The following MTRR variants were observed in gnomAD, a reference collection of about 807,000 sequenced individuals.
MTRR encodes methionine synthase reductase.
MTRR carries 63 observed loss-of-function variants against 79.2 expected under a neutral mutation model. That is an observed-to-expected ratio of 0.80 (90% confidence interval 0.65 to 0.98). MTRR has a LOEUF of 0.98. Among genes scored for constraint, MTRR ranks in the 50% least tolerant of loss-of-function variants. The probability of loss-of-function intolerance (pLI) is 0.00; values close to 1 mark genes in which losing one functional copy is unlikely to be tolerated. For synonymous variants in MTRR, 355 were observed against 313.3 expected (o/e 1.13, Z -1.41); for missense variants, 895 against 839.6 (o/e 1.07, Z -0.82).
intron 9 of MTRR, 108 bp from the exon 10 acceptor site, chr5:7,891,262 ATT>A (rs1737497989): frequency 2.5e-6 from 1 of 393,714 alleles, no homozygotes; most frequent in Non-Finnish European, 4.6e-6. Context: ...CTAGAACATG[ATT>A]TGAGTATTCT....
intron 12 of MTRR, 60 bp downstream of exon 12, chr5:7,895,912 T>C (rs1461192177): frequency 1.2e-6 from 2 of 1,606,152 alleles, no homozygotes; most frequent in African/African-American, 2.7e-5. Flanking sequence ...TTTGTTTCTT[T>C]AGTCATTTTG....
At chr5:7,891,156 A>C (rs996604351) in intron 9 of MTRR, among the ~76,000 whole-genome samples, 1 of 152,172 alleles carries the variant, frequency 6.6e-6, no homozygotes, top group Non-Finnish European at 1.5e-5. Flanking sequence ...GAGTAAGAAA[A>C]TGCATCTTAT....
At chr5:7,872,203 A>G (rs919872820) in intron 2 of MTRR, 11 of 449,100 alleles carry the variant, frequency 2.4e-5, no homozygotes, top group African/African-American at 2.0e-4. Context: ...CTTCGGTAAA[A>G]AGTTAAGTTG....
chr5:7,892,992 C>A, intron 11 of MTRR, 79 bp downstream of exon 11: 1 of 1,457,604 alleles, frequency 6.9e-7, no homozygotes, highest in Non-Finnish European at 9.4e-7. Flanking sequence ...TTGTCTCACC[C>A]ACATCATTCA....
chr5:7,864,746 A>G (rs1746814846), upstream of MTRR, among the ~76,000 whole-genome samples: 1 of 152,136 alleles, frequency 6.6e-6, no homozygotes, highest in Admixed American at 6.5e-5. Context: ...ACACTGCAAT[A>G]GAAGTGGAGG....
chr5:7,898,221 G>A (rs938179929), intron 14 of MTRR, among the ~76,000 whole-genome samples: 1 of 152,042 alleles, frequency 6.6e-6, no homozygotes, highest in Non-Finnish European at 1.5e-5. Flanking sequence ...CGCTTTTAAT[G>A]AAGTATTTAA....
At chr5:7,887,730 A>G (rs1411199958) in intron 8 of MTRR, among the ~76,000 whole-genome samples, 2 of 136,268 alleles carry the variant, frequency 1.5e-5, no homozygotes, top group Non-Finnish European at 3.2e-5. Context: ...ATGTCTGTAT[A>G]TGTGTATATA....
intron 1 of MTRR, chr5:7,859,182 T>C (rs2126584900): frequency 4.0e-6 from 1 of 251,378 alleles, no homozygotes; most frequent in Non-Finnish European, 7.5e-6. Context: ...CATTTATTCA[T>C]TGAATTCCTT....
chr5:7,893,476 G>C (rs976666593), intron 11 of MTRR: 1 of 157,252 alleles, frequency 6.4e-6, no homozygotes, highest in African/African-American at 2.4e-5. Context: ...ACAACACCTA[G>C]GAGTAAAAGG....
At chr5:7,885,359 G>A (rs1359765065) in intron 6 of MTRR, 2 of 244,896 alleles carry the variant, frequency 8.2e-6, no homozygotes, top group Non-Finnish European at 1.6e-5. Context: ...GTTTTTGTAA[G>A]AGGGATTTTT....
intron 5 of MTRR, 37 bp from the exon 6 acceptor site, chr5:7,883,118 A>G: frequency 6.2e-7 from 1 of 1,614,040 alleles, no homozygotes; most frequent in Non-Finnish European, 8.5e-7. Flanking sequence ...GTATAATTGA[A>G]AATTGCACTT....
chr5:7,870,089 C>T lies in MTRR; in HGVS notation c.-25-681C>T, dbSNP rs1016905811. 3.0e-6 allele frequency: 3 copies of T among 984,896 alleles called. No individual in the cohort carries two copies. In the African/African-American group the frequency reaches 5.2e-5, roughly 17 times the overall value. The allele number at this position is 984,896 out of a possible 1,614,324, so 61.0% of individuals were successfully genotyped here. A position where few individuals can be genotyped will look rare whatever the true frequency, so the allele number is the denominator to read the frequency against. On this transcript the variant is annotated intron_variant, in intron 1 of 14. Coordinates refer to ENST00000440940, the MANE Select transcript of MTRR (RefSeq NM_002454.3). Reference sequence around the variant, plus strand: ...TCGTTTGTTTTACTACTGCTTATCTCTTGCGGAAAAACGTGTTAGTAAAAT... The same window carrying T: ...TCGTTTGTTTTACTACTGCTTATCTTTTGCGGAAAAACGTGTTAGTAAAAT...
At chr5:7,850,950 C>T, upstream of MTRR, 3 of 1,341,130 alleles carry the variant, frequency 2.2e-6, no homozygotes, top group Admixed American at 3.1e-5. Context: ...AGGCGGACTG[C>T]GCCGAGACGG....
chr5:7,868,655 G>C (rs1747254991), upstream of MTRR, among the ~76,000 whole-genome samples: 1 of 152,182 alleles, frequency 6.6e-6, no homozygotes. Context: ...TTGAAGGAAA[G>C]GGTCTACTTT....
chr5:7,869,751 G>A (rs1045938671), intron 1 of MTRR: 2 of 184,672 alleles, frequency 1.1e-5, no homozygotes, highest in Non-Finnish European at 2.2e-5. Flanking sequence ...TAGCAGGGAT[G>A]AGGGGTTGAT....
chr5:7,863,022 G>A, intron 2 of MTRR: 1 of 1,586,988 alleles, frequency 6.3e-7, no homozygotes, highest in South Asian at 1.1e-5. Flanking sequence ...GTGCAAATGT[G>A]AGAAAGAAAA....
rs1736683564 is a variant in MTRR at position 7,887,494 on chromosome 5, G to C, written c.1146+791G>C. 2.0e-5 allele frequency among the ~76,000 whole-genome samples: 3 copies of C among 149,058 alleles called. No homozygotes were observed. The South Asian group carries it at 6.3e-4, about 31-fold the overall frequency. Reference sequence around the variant, plus strand: ...ATGTGTTTATTGCATTTCTAGTCTTGGGTGAGTAAAGTACTTTAGAGAGAG... The same window carrying C: ...ATGTGTTTATTGCATTTCTAGTCTTCGGTGAGTAAAGTACTTTAGAGAGAG... On this transcript the variant is annotated intron_variant, in intron 8 of 14. Transcript: ENST00000440940.
chr5:7,881,180 G>A (rs1735525799), intron 5 of MTRR, among the ~76,000 whole-genome samples: 2 of 152,026 alleles, frequency 1.3e-5, no homozygotes, highest in Non-Finnish European at 1.5e-5. Flanking sequence ...TTACATCTGT[G>A]TTCTGCCCTC....
At chr5:7,899,811 A>C in intron 14 of MTRR, 103 bp from the exon 15 acceptor site, 3 of 1,420,208 alleles carry the variant, frequency 2.1e-6, no homozygotes, top group Non-Finnish European at 2.0e-6. Flanking sequence ...GACGGAGGGA[A>C]GAACTATGGT....
Sources: allele counts gnomAD v4.1 joint callset (sites outside exome capture counted in the v4.1 genomes callset), GRCh38; gene constraint gnomAD v4.1.1; transcripts MANE v1.5; gene names NCBI Gene and HGNC (gene_info 2026-07-23, HGNC 2026-07-21).